CDK14: variants seen among roughly 807,000 people sequenced by gnomAD.
CDK14 encodes cyclin-dependent kinase 14.
A neutral mutation model predicts 60.7 loss-of-function variants in CDK14; 34 were observed. The observed-to-expected ratio is 0.56, with a 90% CI of 0.43 to 0.75. The LOEUF (loss-of-function observed/expected upper bound fraction) is 0.75, where lower values mean the gene tolerates loss of function less well. Ranked by LOEUF, CDK14 falls within the 30% of genes least tolerant of loss-of-function variation. CDK14 has a pLI of 0.00. For synonymous variants in CDK14, 197 were observed against 203.7 expected, an observed-to-expected ratio of 0.97 and a Z score of 0.28; for missense variants, 482 against 564.1, an observed-to-expected ratio of 0.85 and a Z score of 1.47.
chr7:90,939,599 A>G (rs957297075), intron 8 of CDK14, among the ~76,000 whole-genome samples: 4 of 152,224 alleles, frequency 2.6e-5, no homozygotes, highest in African/African-American at 9.6e-5. Flanking sequence ...CATTGCATTC[A>G]TTTTATGAAT....
chr7:91,056,603 CTGTGTCCA>C (rs1257245885), intron 11 of CDK14, among the ~76,000 whole-genome samples: 3 of 151,102 alleles, frequency 2.0e-5, no homozygotes, highest in African/African-American at 7.3e-5. Context: ...GTTCCCCTTC[CTGTGTCCA>C]TGTGTTCTCA....
At chr7:90,655,985 C>T (rs1263644313) in intron 2 of CDK14, among the ~76,000 whole-genome samples, 1 of 152,182 alleles carries the variant, frequency 6.6e-6, no homozygotes, top group Non-Finnish European at 1.5e-5. Context: ...AGTATGAGGC[C>T]TGTCTCTGCA....
intron 14 of CDK14, among the ~76,000 whole-genome samples, chr7:91,129,726 A>C (rs1252395045): frequency 6.6e-6 from 1 of 152,164 alleles, no homozygotes; most frequent in Non-Finnish European, 1.5e-5. Context: ...TTTCAATAGA[A>C]AATTTGAATT....
At chr7:91,046,270 G>T (rs1298690762) in intron 11 of CDK14, among the ~76,000 whole-genome samples, 1 of 152,036 alleles carries the variant, frequency 6.6e-6, no homozygotes, top group Non-Finnish European at 1.5e-5. Context: ...ATTTAAATTG[G>T]GTTGCTGTAA....
chr7:90,822,414 C>T (rs1789581316), intron 5 of CDK14, among the ~76,000 whole-genome samples: 1 of 152,158 alleles, frequency 6.6e-6, no homozygotes, highest in African/African-American at 2.4e-5. Context: ...TTAACAGCTG[C>T]TGTTTCCCTC....
chr7:91,053,576 T>TA (rs1416960955), intron 11 of CDK14, among the ~76,000 whole-genome samples: 2 of 152,222 alleles, frequency 1.3e-5, no homozygotes, highest in African/African-American at 4.8e-5. Context: ...ATGCCTCCAA[T>TA]AAATCATCAG....
intron 2 of CDK14, among the ~76,000 whole-genome samples, chr7:90,633,460 T>G (rs1800052206): frequency 6.6e-6 from 1 of 152,180 alleles, no homozygotes; most frequent in Admixed American, 6.5e-5. Flanking sequence ...TGAAATTTTG[T>G]TTATTTTTAT....
intron 2 of CDK14, among the ~76,000 whole-genome samples, chr7:90,612,270 T>C (rs539058742): frequency 6.6e-6 from 1 of 152,316 alleles, no homozygotes; most frequent in South Asian, 2.1e-4. Flanking sequence ...ATTCCTCCAC[T>C]CAGCCTTCCC....
chr7:90,616,764 A>G (rs1799658775), intron 2 of CDK14, among the ~76,000 whole-genome samples: 1 of 152,218 alleles, frequency 6.6e-6, no homozygotes, highest in Non-Finnish European at 1.5e-5. Context: ...AGAAGATAAA[A>G]AAGATTAAAA....
intron 2 of CDK14, among the ~76,000 whole-genome samples, chr7:90,607,078 A>G (rs1038730041): frequency 2.0e-5 from 3 of 152,238 alleles, no homozygotes; most frequent in African/African-American, 4.8e-5. Context: ...TGAAACCCCA[A>G]TCATCACGCT....
At chr7:91,204,418 A>G (rs1418062799) in intron 14 of CDK14, among the ~76,000 whole-genome samples, 1 of 152,220 alleles carries the variant, frequency 6.6e-6, no homozygotes, top group African/African-American at 2.4e-5. Context: ...AAGAAAAAAA[A>G]AGATAAATTG....
intron 6 of CDK14, among the ~76,000 whole-genome samples, chr7:90,894,959 T>C (rs760363643): frequency 2.6e-5 from 4 of 152,182 alleles, no homozygotes; most frequent in Non-Finnish European, 4.4e-5. Context: ...TTAGAATATA[T>C]ACATCTGTGA....
At chr7:90,730,491 A>G (rs984312219) in intron 3 of CDK14, among the ~76,000 whole-genome samples, 3 of 152,112 alleles carry the variant, frequency 2.0e-5, no homozygotes, top group Non-Finnish European at 2.9e-5. Flanking sequence ...AAGCATTCCT[A>G]TTTCTTCACA....
chr7:90,980,967 C>T (rs192127918), intron 9 of CDK14, among the ~76,000 whole-genome samples: 1 of 152,194 alleles, frequency 6.6e-6, no homozygotes, highest in East Asian at 1.9e-4. Context: ...TTCTAGCCAG[C>T]CTAGCTGTGT....
chr7:90,935,245 G>A (rs1793713849), intron 8 of CDK14, among the ~76,000 whole-genome samples: 1 of 152,130 alleles, frequency 6.6e-6, no homozygotes, highest in African/African-American at 2.4e-5. Context: ...AACCTGATCA[G>A]ATTTTAAATG....
At chr7:91,037,347 A>G (rs1035011120) in intron 10 of CDK14, among the ~76,000 whole-genome samples, 7 of 152,216 alleles carry the variant, frequency 4.6e-5, no homozygotes, top group African/African-American at 1.7e-4. Flanking sequence ...GATACCTAAC[A>G]TTATACAGAA....
intron 2 of CDK14, among the ~76,000 whole-genome samples, chr7:90,610,760 C>T (rs1309229610): frequency 6.6e-6 from 1 of 152,182 alleles, no homozygotes; most frequent in Non-Finnish European, 1.5e-5. Flanking sequence ...TACAAGGATA[C>T]AAGTCATATT....
intron 8 of CDK14, among the ~76,000 whole-genome samples, chr7:90,940,882 C>G (rs1427149535): frequency 1.3e-5 from 2 of 151,794 alleles, no homozygotes; most frequent in South Asian, 2.1e-4. Context: ...TGATAAACAC[C>G]TAGAATAAAG....
intron 2 of CDK14, among the ~76,000 whole-genome samples, chr7:90,635,347 C>T (rs1441168808): frequency 1.3e-5 from 2 of 152,214 alleles, no homozygotes; most frequent in Admixed American, 6.5e-5. Flanking sequence ...CAGCTTTCTA[C>T]AGATGGCTAG....
Sources: allele counts gnomAD v4.1 joint callset (sites outside exome capture counted in the v4.1 genomes callset), GRCh38; gene constraint gnomAD v4.1.1; transcripts MANE v1.5; gene names NCBI Gene and HGNC (gene_info 2026-07-23, HGNC 2026-07-21).